The following IL1RAPL1 variants were observed in gnomAD, a reference collection of about 807,000 sequenced individuals.
IL1RAPL1 encodes interleukin 1 receptor accessory protein like 1.
Under a neutral mutation model 48.4 loss-of-function variants are expected in IL1RAPL1, and 3 were observed. The ratio of observed to expected loss-of-function variants is 0.06; its 90% CI spans 0.03 to 0.16. The LOEUF (loss-of-function observed/expected upper bound fraction) is 0.16, where lower values mean the gene tolerates loss of function less well. Ranked by LOEUF, IL1RAPL1 falls within the 10% of genes least tolerant of loss-of-function variation. IL1RAPL1 has a pLI of 1.00. For missense variants in IL1RAPL1, 349 were observed against 530.6 expected, an observed-to-expected ratio of 0.66 and a Z score of 3.36; for synonymous variants, 185 against 187.7, an observed-to-expected ratio of 0.99 and a Z score of 0.12.
chrX:29,608,581 T>C (rs185598297), intron 5 of IL1RAPL1, among the ~76,000 whole-genome samples: 2,365 of 110,384 alleles, frequency 0.021, 41 homozygotes, highest in African/African-American at 0.052. Flanking sequence ...AATCCCAGCA[T>C]TTTGGGAGGC....
chrX:29,766,430 AAT>A (rs905229631), intron 6 of IL1RAPL1, among the ~76,000 whole-genome samples: 22 of 93,455 alleles, frequency 2.4e-4, no homozygotes, highest in Admixed American at 4.0e-4. Flanking sequence ...TATATATCCA[AAT>A]ATATATATAT....
chrX:29,941,503 A>G, intron 8 of IL1RAPL1, 148 bp from the exon 9 acceptor site: 1 of 586,672 alleles, frequency 1.7e-6, no homozygotes, highest in Non-Finnish European at 2.9e-6. Context: ...TCAAAAGGTC[A>G]AATTCTCATG....
chrX:29,261,949 T>C (rs1397543768), intron 2 of IL1RAPL1, among the ~76,000 whole-genome samples: 1 of 111,845 alleles, frequency 8.9e-6, no homozygotes, highest in Non-Finnish European at 1.9e-5. Context: ...TCTTTACAAC[T>C]AGATATACTC....
In IL1RAPL1 at chrX:29,793,764, T is replaced by G. The variant is rs1333252530; in HGVS notation, c.779-123700T>G. ...GGAATTAAAACATACTCTCAACATTTCAACCAAATGCTTTATTACAAAGCA... is the reference window on the plus strand; with the variant it reads ...GGAATTAAAACATACTCTCAACATTGCAACCAAATGCTTTATTACAAAGCA... On this transcript the variant is annotated intron_variant, in intron 6 of 10. Coordinates refer to ENST00000378993, the MANE Select transcript of IL1RAPL1 (RefSeq NM_014271.4). Among the ~76,000 whole-genome samples, 7 of 112,489 alleles carry G rather than the reference T, an allele frequency of 6.2e-5. No individual in the cohort carries two copies. In the South Asian group the frequency reaches 2.6e-3, roughly 41 times the overall value.
At chrX:29,752,773 A>G (rs1244588032) in intron 6 of IL1RAPL1, among the ~76,000 whole-genome samples, 1 of 111,631 alleles carries the variant, frequency 9.0e-6, no homozygotes, top group African/African-American at 3.3e-5. Flanking sequence ...TGGTTTAGAA[A>G]TGGTACAGAG....
intron 1 of IL1RAPL1, among the ~76,000 whole-genome samples, chrX:28,636,153 T>C (rs1934462258): frequency 8.9e-6 from 1 of 112,234 alleles, no homozygotes; most frequent in African/African-American, 3.2e-5. Context: ...TGGAATGTCA[T>C]CTCTTTCTTT....
chrX:29,950,050 A>G (rs1361128210), intron 9 of IL1RAPL1, among the ~76,000 whole-genome samples: 1 of 111,925 alleles, frequency 8.9e-6, no homozygotes, highest in Admixed American at 9.4e-5. Context: ...ATATCACTCA[A>G]GTGTCCCATT....
intron 2 of IL1RAPL1, among the ~76,000 whole-genome samples, chrX:28,833,234 C>T (rs1399845863): frequency 1.8e-5 from 2 of 111,363 alleles, no homozygotes; most frequent in African/African-American, 6.5e-5. Context: ...TGATGGGGCA[C>T]CCAGGCTGAT....
intron 2 of IL1RAPL1, among the ~76,000 whole-genome samples, chrX:28,933,508 G>A (rs1201993384): frequency 9.0e-6 from 1 of 111,597 alleles, no homozygotes; most frequent in Admixed American, 9.5e-5. Context: ...CACAGTAATT[G>A]TTTCCTCTTG....
intron 6 of IL1RAPL1, among the ~76,000 whole-genome samples, chrX:29,708,708 A>G (rs1356357332): frequency 1.8e-5 from 2 of 112,204 alleles, no homozygotes; most frequent in Admixed American, 1.9e-4. Context: ...TCAACATGCC[A>G]ATTTCAATTC....
chrX:29,021,215 G>GAAAAAAAAAAAA lies in IL1RAPL1; in HGVS notation c.82+231804_82+231815dup, dbSNP rs746008500. ...CAACAGAGCAAGACTCCGTCTCAAG[G>GAAAAAAAAAAAA]AAAAAAAAAAAAAAAAAAAAAAAAA... On this transcript the variant is annotated intron_variant, in intron 2 of 10. Transcript: ENST00000378993. 2.3e-3 allele frequency among the ~76,000 whole-genome samples: 95 copies of GAAAAAAAAAAAA among 41,885 alleles called. 1 individual carries two copies. The highest frequency in any genetic ancestry group is 8.1e-3 in the East Asian group (8 of 993). 36.4% of individuals were successfully genotyped at this position (41,885 alleles called of 115,157 possible).
intron 1 of IL1RAPL1, among the ~76,000 whole-genome samples, chrX:28,779,276 C>G (rs898141493): frequency 9.0e-5 from 10 of 110,810 alleles, no homozygotes; most frequent in African/African-American, 3.3e-4. Context: ...CACTATTCCC[C>G]TAAGATGGGT....
intron 1 of IL1RAPL1, among the ~76,000 whole-genome samples, chrX:28,734,870 T>C (rs1327972429): frequency 1.8e-5 from 2 of 111,863 alleles, no homozygotes; most frequent in Admixed American, 9.5e-5. Flanking sequence ...CCTACAAATA[T>C]TATGTTGAAA....
At chrX:28,870,197 A>G (rs1258995239) in intron 2 of IL1RAPL1, among the ~76,000 whole-genome samples, 1 of 111,390 alleles carries the variant, frequency 9.0e-6, no homozygotes, top group Non-Finnish European at 1.9e-5. Context: ...AAACATTTGT[A>G]TGCAAGTTTT....
At chrX:29,331,179 AAAT>A (rs1216829258) in intron 3 of IL1RAPL1, among the ~76,000 whole-genome samples, 8 of 111,775 alleles carry the variant, frequency 7.2e-5, no homozygotes, top group African/African-American at 2.6e-4. Context: ...AAAAATAAAA[AAAT>A]AATAATTTTG....
chrX:29,834,781 CATTTT>C (rs1480595958), intron 6 of IL1RAPL1, among the ~76,000 whole-genome samples: 1 of 111,850 alleles, frequency 8.9e-6, no homozygotes, highest in Non-Finnish European at 1.9e-5. Context: ...ATTCCACTCA[CATTTT>C]AGTTTTGAAT....
intron 5 of IL1RAPL1, among the ~76,000 whole-genome samples, chrX:29,431,971 G>A (rs1032040883): frequency 1.8e-5 from 2 of 111,576 alleles, no homozygotes; most frequent in African/African-American, 6.5e-5. Context: ...TTACAACTCA[G>A]TTTGTTTCAT....
chrX:29,716,726 C>T (rs1436640447), intron 6 of IL1RAPL1, among the ~76,000 whole-genome samples: 1 of 111,575 alleles, frequency 9.0e-6, no homozygotes, highest in Non-Finnish European at 1.9e-5. Flanking sequence ...CACGGCCTAA[C>T]AGTAAAGAGT....
At chrX:29,452,907 T>G (rs1934695595) in intron 5 of IL1RAPL1, among the ~76,000 whole-genome samples, 1 of 99,449 alleles carries the variant, frequency 1.0e-5, no homozygotes, top group Admixed American at 1.1e-4. Flanking sequence ...CCTCTGAGAG[T>G]GACTACAGAT....
Sources: gnomAD v4.1 joint callset for allele counts (sites outside exome capture counted in the v4.1 genomes callset) on GRCh38, gnomAD v4.1.1 for gene constraint, MANE v1.5 for transcripts, NCBI Gene and HGNC (gene_info 2026-07-23, HGNC 2026-07-21) for gene names.